Variants in SRMS observed in about 807,000 individuals in gnomAD.
SRMS encodes the protein tyrosine-protein kinase Srms.
In SRMS, 42 loss-of-function variants were observed where a neutral mutation model predicts 43.5. The observed-to-expected ratio is 0.97, with a 90% CI of 0.75 to 1.25. The LOEUF (loss-of-function observed/expected upper bound fraction) is 1.25. Ranked by LOEUF, SRMS falls within the 50% of genes most tolerant of loss-of-function variation. SRMS has a pLI of 0.00. For missense variants in SRMS, 703 were observed against 681.0 expected (o/e 1.03, Z -0.36); for synonymous variants, 316 against 308.2 (o/e 1.03, Z -0.27).
At position 63,542,326 on chromosome 20, in the gene SRMS, G is replaced by T; in HGVS notation, c.788-5C>A. On this transcript the variant is annotated splice_polypyrimidine_tract_variant and splice_region_variant and intron_variant, in intron 4 of 7. Transcript: ENST00000217188. ...GGTCAGTGAGCTTCATGTTGGCTGC[G>T]AGAGAGGGTGTGGCTCCAGGACCGG... 6.2e-7 allele frequency: 1 copy of T among 1,606,110 alleles called. No homozygotes were observed. Among genetic ancestry groups the T allele is most frequent in the Non-Finnish European group, 8.5e-7 (1 of 1,174,626 alleles).
In SRMS at chr20:63,544,280, C is replaced by T. The variant is rs777778685; in HGVS notation, c.425G>A (p.Gly142Glu). Residue 142 changes from glycine (G) to glutamate (E), a missense_variant, in exon 2 of 8, where the codon GGG becomes GAG. Transcript: ENST00000217188. ...CTCGCTGGGCCGGATGAGGAAGGCCCCTGGTTCGTTGGGTGGGGAGAGGAG... is the reference window on the plus strand; with the variant it reads ...CTCGCTGGGCCGGATGAGGAAGGCCTCTGGTTCGTTGGGTGGGGAGAGGAG... Reference protein sequence around the residue: ...QLLLSPPNEPGAFLIRPSESS... With the variant: ...QLLLSPPNEPEAFLIRPSESS... The T allele has an allele frequency of 2.7e-6, 4 of 1,481,814 alleles. No homozygotes were observed. The highest frequency in any genetic ancestry group is 3.6e-6 in the Non-Finnish European group (4 of 1,117,428). 91.8% of individuals were successfully genotyped at this position (1,481,814 alleles called of 1,614,324 possible).
intron 3 of SRMS, 79 bp from the exon 4 acceptor site, chr20:63,542,660 C>A: frequency 1.4e-6 from 2 of 1,470,868 alleles, no homozygotes; most frequent in Non-Finnish European, 9.1e-7. Flanking sequence ...CACACCAGGC[C>A]TCTGGCGGGC....
In SRMS at chr20:63,547,330, G is replaced by T; in HGVS notation, c.134C>A (p.Pro45His). 6.3e-7 allele frequency: 1 copy of T among 1,593,158 alleles called. No individual in the cohort carries two copies. Among genetic ancestry groups the T allele is most frequent in the East Asian group, 2.3e-5 (1 of 43,920 alleles). ...DPNTDPVPTL[P>H]AEPCSPFPQL... The stretch of plus-strand genomic sequence containing the variant: ...AGGGAAGGGGCTGCAAGGCTCGGCG[G>T]GGAGCGTGGGCACTGGGTCAGTGTT... Residue 45 changes from proline to histidine, a missense_variant, in exon 1 of 8, where the codon CCC becomes CAC. Coordinates refer to ENST00000217188, the MANE Select transcript of SRMS (RefSeq NM_080823.4).
At position 63,540,941 on chromosome 20, in the gene SRMS, C is replaced by T. The variant is rs763585867; in HGVS notation, c.1344G>A (p.Pro448=). The T allele has an allele frequency of 6.2e-6, 10 of 1,607,018 alleles. No individual in the cohort carries two copies. The South Asian group carries it at 6.6e-5, about 11-fold the overall frequency. The change falls in exon 8 of 8, where the codon CCG becomes CCA. Residue 448 remains proline, a synonymous_variant. Transcript: ENST00000217188. ...QIMRGYRLPR[P]AACPAEVYVL... is the part of the protein sequence containing the mutation. Reference sequence around the variant, plus strand: ...CGTAGACCTCCGCCGGGCAGGCAGCCGGGCGCGGCAGCCGGTACCCTCGCA... The same window carrying T: ...CGTAGACCTCCGCCGGGCAGGCAGCTGGGCGCGGCAGCCGGTACCCTCGCA...
chr20:63,547,498 G>A lies in SRMS; in HGVS notation c.-35C>T. ...TCACCACGCTGGGCCCGAGGGCCAT[G>A]GGAGCCCGCGAGCCCGGAAGAGGAA... On this transcript the variant is annotated 5_prime_UTR_variant, in exon 1 of 8. Coordinates refer to ENST00000217188, the MANE Select transcript of SRMS (RefSeq NM_080823.4). 7.0e-7 allele frequency: 1 copy of A among 1,435,674 alleles called. No individual in the cohort carries two copies. The highest frequency in any genetic ancestry group is 9.2e-7 in the Non-Finnish European group (1 of 1,091,910). 88.9% of individuals were successfully genotyped at this position (1,435,674 alleles called of 1,614,324 possible).
rs745787096 is a variant in SRMS at position 63,540,913 on chromosome 20, G to T, written c.1372C>A (p.Leu458Ile). ...PAACPAEVYV[L>I]MLECWRSSPE... ...CTGCTCCTCCAGCACTCCAGCATGAGCACGTAGACCTCCGCCGGGCAGGCA... is the reference window on the plus strand; with the variant it reads ...CTGCTCCTCCAGCACTCCAGCATGATCACGTAGACCTCCGCCGGGCAGGCA... Residue 458 changes from leucine to isoleucine, a missense_variant, in exon 8 of 8, where the codon CTC becomes ATC. By Grantham distance (5) the Leu-to-Ile change is conservative. Transcript: ENST00000217188. 1.2e-6 allele frequency: 2 copies of T among 1,606,376 alleles called. No individual in the cohort carries two copies. Among genetic ancestry groups the T allele is most frequent in the South Asian group, 2.2e-5 (2 of 90,954 alleles).
chr20:63,542,154 G>A lies in SRMS; in HGVS notation c.946+9C>T. The A allele has an allele frequency of 6.2e-7, 1 of 1,603,864 alleles. No individual in the cohort carries two copies. The highest frequency in any genetic ancestry group is 1.1e-5 in the South Asian group (1 of 90,696). On this transcript the variant is annotated intron_variant, in intron 5 of 7. Transcript: ENST00000217188. The stretch of plus-strand genomic sequence containing the variant: ...GTCAGGGCCACGTGGCAGCAGGGAG[G>A]GGACTCACTGCCCAGGAAGGCCTGC...
chr20:63,542,181 G>A lies in SRMS; in HGVS notation c.928C>T (p.Leu310=). Residue 310 remains leucine (L), a synonymous_variant, in exon 5 of 8, where the codon CTG becomes TTG. Coordinates refer to ENST00000217188, the MANE Select transcript of SRMS (RefSeq NM_080823.4). The stretch of plus-strand genomic sequence containing the variant: ...GACTCACTGCCCAGGAAGGCCTGCA[G>A]GTTCCCCTTGCGCATGAGTTCCGTG... ...IVTELMRKGN[L]QAFLGTPEGR... The A allele has an allele frequency of 1.2e-6, 2 of 1,610,360 alleles. No individual in the cohort carries two copies. The highest frequency in any genetic ancestry group is 1.7e-6 in the Non-Finnish European group (2 of 1,178,050).
At chr20:63,542,105 G>C (rs2082707577) in intron 5 of SRMS, 58 bp downstream of exon 5, 2 of 1,567,066 alleles carry the variant, frequency 1.3e-6, no homozygotes, top group Non-Finnish European at 1.7e-6. Context: ...TCTGCGCCAG[G>C]AGGGAAGGGG....
chr20:63,543,617 G>A lies in SRMS; in HGVS notation c.479-137C>T, dbSNP rs115038791. 2,776 of 1,076,508 alleles carry A rather than the reference G, an allele frequency of 2.6e-3. 35 individuals are homozygous for A. In the African/African-American group the frequency reaches 0.031, roughly 12 times the overall value. The allele number at this position is 1,076,508 out of a possible 1,614,324, so 66.7% of individuals were successfully genotyped here. ...TGGGGACCCTGAGATGGTCAGAGCT[G>A]TGTGGAGGAGGGAGTGTGGGCAGCC... On this transcript the variant is annotated intron_variant, in intron 2 of 7. Transcript: ENST00000217188.
intron 3 of SRMS, 103 bp from the exon 4 acceptor site, chr20:63,542,684 G>T: frequency 7.3e-7 from 1 of 1,368,984 alleles, no homozygotes; most frequent in Non-Finnish European, 9.7e-7. Flanking sequence ...CCTGTCCCCA[G>T]CACACACTCA....
rs757824796 is a variant in SRMS, at chr20:63,541,470, A to G, written c.1097T>C (p.Val366Ala). 1.2e-6 allele frequency: 2 copies of G among 1,607,494 alleles called. No homozygotes were observed. Among genetic ancestry groups the G allele is most frequent in the South Asian group, 1.1e-5 (1 of 90,936 alleles). The change falls in exon 6 of 8, where the codon GTG (valine) becomes GCG (alanine). Residue 366 changes from valine to alanine, a missense_variant. Val to Ala is a moderately conservative substitution (Grantham distance 64). Coordinates refer to ENST00000217188, the MANE Select transcript of SRMS (RefSeq NM_080823.4). ...CAGCCGGGCCAGGCCGAAGTCAGCCACCTTGCAGGCCAGGCCGTCGTCCAC... is the reference window on the plus strand; with the variant it reads ...CAGCCGGGCCAGGCCGAAGTCAGCCGCCTTGCAGGCCAGGCCGTCGTCCAC... ...VLVDDGLACKVADFGLARLLK... is the reference protein window; with the variant it reads ...VLVDDGLACKAADFGLARLLK...
rs1011622018 is a variant in SRMS at position 63,538,559 on chromosome 20, A to T, written c.*2259T>A. On this transcript the variant is annotated 3_prime_UTR_variant, in exon 8 of 8. Coordinates refer to ENST00000217188, the MANE Select transcript of SRMS (RefSeq NM_080823.4). ...CCTTCCACTCATTGTTTTGAGATTA[A>T]GAACAATAATCTGGATTATTTAACA... Among the ~76,000 whole-genome samples, 1 of 152,236 alleles carries T rather than the reference A, an allele frequency of 6.6e-6. No individual in the cohort carries two copies. Among genetic ancestry groups the T allele is most frequent in the Non-Finnish European group, 1.5e-5 (1 of 68,036 alleles).
Position 63,547,542 on chromosome 20 carries a change from C to A in SRMS, c.-79G>T. On this transcript the variant is annotated 5_prime_UTR_variant, in exon 1 of 8. Coordinates refer to ENST00000217188, the MANE Select transcript of SRMS (RefSeq NM_080823.4). ...AGAGGAACTGGCAGGGCCGGTGGGA[C>A]CCGGTGTCCAGCGCTCCCTGCCCTG... 7.4e-7 allele frequency: 1 copy of A among 1,343,086 alleles called. No individual in the cohort carries two copies. Among genetic ancestry groups the A allele is most frequent in the Non-Finnish European group, 9.8e-7 (1 of 1,019,712 alleles). The allele number at this position is 1,343,086 out of a possible 1,614,324, so 83.2% of individuals were successfully genotyped here. A position where few individuals can be genotyped will look rare whatever the true frequency, so the allele number is the denominator to read the frequency against.
Position 63,547,555 on chromosome 20 carries a change from G to A in SRMS, c.-92C>T, listed in dbSNP as rs1365410628. ...GGGCCGGTGGGACCCGGTGTCCAGC[G>A]CTCCCTGCCCTGGCCGTGGGGTGAC... On this transcript the variant is annotated 5_prime_UTR_variant, in exon 1 of 8. Transcript: ENST00000217188. 9 of 1,253,184 alleles carry A rather than the reference G, an allele frequency of 7.2e-6. No individual in the cohort carries two copies. In the Admixed American group the frequency reaches 9.6e-5, roughly 13 times the overall value. The allele number at this position is 1,253,184 out of a possible 1,614,324, so 77.6% of individuals were successfully genotyped here.
chr20:63,546,426 A>G (rs1388012171), intron 1 of SRMS, among the ~76,000 whole-genome samples: 2 of 152,000 alleles, frequency 1.3e-5, no homozygotes, highest in Non-Finnish European at 2.9e-5. Flanking sequence ...GCAGCCGCTC[A>G]GAGCAGCCGC....
chr20:63,541,835 CAA>C (rs1161572528), intron 5 of SRMS, among the ~76,000 whole-genome samples: 1 of 152,262 alleles, frequency 6.6e-6, no homozygotes, highest in African/African-American at 2.4e-5. Context: ...AGGCCCCCGA[CAA>C]AGACCAGGGC....
Position 63,547,264 on chromosome 20 carries a change from C to T in SRMS, c.200G>A (p.Gly67Asp). 1.2e-6 allele frequency: 2 copies of T among 1,610,578 alleles called. No homozygotes were observed. The highest frequency in any genetic ancestry group is 1.7e-6 in the Non-Finnish European group (2 of 1,178,558). The change falls in exon 1 of 8, where the codon GGC becomes GAC. Residue 67 changes from glycine (G) to aspartate (D), a missense_variant. Transcript: ENST00000217188. ...LALYDFTARC[G>D]GELSVRRGDR... ...CCCGCGGCGGACACTCAGCTCCCCG[C>T]CACACCGCGCCGTGAAGTCATAGAG...
Position 63,543,344 on chromosome 20 carries a change from C to T in SRMS, c.615G>A (p.Gln205=). Residue 205 remains glutamine, a synonymous_variant, in exon 3 of 8, where the codon CAG becomes CAA. Transcript: ENST00000217188. ...GCATGCAGGGCTGCAGCAGGGGGTT[C>T]TGGATCAGCTTCCAGTTGGCCTTGT... ...TYYKANWKLI[Q]NPLLQPCMPQ... The T allele has an allele frequency of 1.2e-6, 2 of 1,612,744 alleles. No individual in the cohort carries two copies. The highest frequency in any genetic ancestry group is 8.5e-7 in the Non-Finnish European group (1 of 1,179,958).
Sources: gnomAD v4.1 joint callset for allele counts (sites outside exome capture counted in the v4.1 genomes callset) on GRCh38, gnomAD v4.1.1 for gene constraint, MANE v1.5 for transcripts, NCBI Gene and HGNC (gene_info 2026-07-23, HGNC 2026-07-21) for gene names.